The following PTPRD variants were observed in gnomAD, a reference collection of about 807,000 sequenced individuals.
PTPRD encodes the protein receptor-type tyrosine-protein phosphatase delta.
A neutral mutation model predicts 214.5 loss-of-function variants in PTPRD; 34 were observed. The ratio of observed to expected loss-of-function variants is 0.16; its 90% confidence interval spans 0.12 to 0.21. PTPRD has a LOEUF of 0.21. Ranked by LOEUF, PTPRD falls within the 10% of genes least tolerant of loss-of-function variation. PTPRD has a pLI of 1.00. For missense variants in PTPRD, 2,545 were observed against 2,398.7 expected (o/e 1.06, Z -1.27); for synonymous variants, 1,128 against 845.7 (o/e 1.33, Z -5.79).
At chr9:8,361,136 A>T (rs10511493) in intron 39 of PTPRD, among the ~76,000 whole-genome samples, 21,102 of 152,220 alleles carry the variant, frequency 0.14, 2,197 homozygotes, top group East Asian at 0.35. Context: ...CGGATTTGTA[A>T]AACTTAGATT....
At chr9:9,402,510 G>A (rs556765614) in intron 8 of PTPRD, among the ~76,000 whole-genome samples, 100 of 152,196 alleles carry the variant, frequency 6.6e-4, no homozygotes, top group African/African-American at 2.3e-3. Flanking sequence ...ATTCTCAACA[G>A]AGGACACTTA....
At chr9:9,933,196 CATA>C (rs1213947044) in intron 5 of PTPRD, among the ~76,000 whole-genome samples, 4 of 152,212 alleles carry the variant, frequency 2.6e-5, no homozygotes, top group Non-Finnish European at 5.9e-5. Context: ...CAGCTAACAT[CATA>C]ATGACAGGAT....
chr9:10,151,465 G>A (rs1017161485), intron 3 of PTPRD, among the ~76,000 whole-genome samples: 7 of 151,742 alleles, frequency 4.6e-5, no homozygotes, highest in Non-Finnish European at 7.4e-5. Flanking sequence ...GTTTTACCAT[G>A]TTGACCAGGC....
intron 10 of PTPRD, among the ~76,000 whole-genome samples, chr9:9,136,110 G>A (rs1006720481): frequency 4.6e-5 from 7 of 152,060 alleles, no homozygotes; most frequent in Admixed American, 2.0e-4. Flanking sequence ...TCATAGTATA[G>A]AAAGGTGAAT....
At chr9:9,725,526 G>A (rs564346429) in intron 7 of PTPRD, among the ~76,000 whole-genome samples, 1 of 152,164 alleles carries the variant, frequency 6.6e-6, no homozygotes, top group South Asian at 2.1e-4. Flanking sequence ...AACCACATAA[G>A]CACTTTATCT....
intron 5 of PTPRD, among the ~76,000 whole-genome samples, chr9:9,903,584 G>A (rs892651254): frequency 3.9e-5 from 6 of 152,018 alleles, no homozygotes; most frequent in Non-Finnish European, 2.9e-5. Flanking sequence ...CTGAGAAGCA[G>A]CTCTGTTAAT....
chr9:9,639,932 TTGTTC>T (rs1394326362), intron 7 of PTPRD, among the ~76,000 whole-genome samples: 4 of 152,204 alleles, frequency 2.6e-5, no homozygotes, highest in African/African-American at 9.6e-5. Context: ...AATACAGGCT[TTGTTC>T]TGTAGAGTAT....
intron 11 of PTPRD, among the ~76,000 whole-genome samples, chr9:9,000,997 C>T (rs761900830): frequency 1.3e-5 from 2 of 151,902 alleles, no homozygotes; most frequent in African/African-American, 2.4e-5. Flanking sequence ...AATGACCCAT[C>T]CATCGAACAG....
At chr9:8,720,225 A>G (rs1275365696) in intron 12 of PTPRD, among the ~76,000 whole-genome samples, 1 of 152,038 alleles carries the variant, frequency 6.6e-6, no homozygotes. Flanking sequence ...CAGCTGCAAC[A>G]GGTGTGGGCT....
chr9:9,852,409 A>C (rs750918522), intron 5 of PTPRD, among the ~76,000 whole-genome samples: 4 of 152,148 alleles, frequency 2.6e-5, no homozygotes, highest in Non-Finnish European at 5.9e-5. Flanking sequence ...GATAAATGCT[A>C]GTAGCAGACA....
chr9:10,466,648 A>T (rs916849645), intron 2 of PTPRD, among the ~76,000 whole-genome samples: 1 of 143,382 alleles, frequency 7.0e-6, no homozygotes, highest in African/African-American at 2.6e-5. Flanking sequence ...AAAAAAAAAA[A>T]AAAGAAAAGA....
intron 37 of PTPRD, 116 bp downstream of exon 37, chr9:8,389,116 A>G (rs2088458429): frequency 3.7e-6 from 3 of 803,110 alleles, no homozygotes; most frequent in Non-Finnish European, 3.7e-6. Context: ...CATAATTAGT[A>G]TCTGTTAGAA....
At chr9:8,970,167 T>C (rs1317380294) in intron 11 of PTPRD, among the ~76,000 whole-genome samples, 1 of 151,926 alleles carries the variant, frequency 6.6e-6, no homozygotes, top group Non-Finnish European at 1.5e-5. Context: ...ACAATATATA[T>C]TAGGCAAATT....
chr9:8,948,291 T>C lies in PTPRD; in HGVS notation c.-104+70406A>G, dbSNP rs543594605. Among the ~76,000 whole-genome samples the C allele has an allele frequency of 1.6e-4, 24 of 147,484 alleles. No homozygotes were observed. In the South Asian group the frequency reaches 5.1e-3, roughly 32 times the overall value. ...CCTCAGCCTCCCAAAGTGCTGGGAT[T>C]ACCGGCGTGAGCCACCGCTCCCAGC... On this transcript the variant is annotated intron_variant, in intron 11 of 45. Coordinates refer to ENST00000381196, the MANE Select transcript of PTPRD (RefSeq NM_002839.4).
chr9:9,816,610 C>T (rs1420080035), intron 5 of PTPRD, among the ~76,000 whole-genome samples: 1 of 151,700 alleles, frequency 6.6e-6, no homozygotes, highest in Non-Finnish European at 1.5e-5. Flanking sequence ...AATATTTTCC[C>T]CTCAAATGCC....
rs375864120 is a variant in PTPRD, at chr9:10,281,572, TAAACAA to T, written c.-545+59385_-545+59390del. On this transcript the variant is annotated intron_variant, in intron 3 of 45. Coordinates refer to ENST00000381196, the MANE Select transcript of PTPRD (RefSeq NM_002839.4). ...ATTTTAATTTTTTTACTTTGCTACT[TAAACAA>T]AAAGTTGGATGTAATCCCAATTGAA... 2.3e-3 allele frequency among the ~76,000 whole-genome samples: 354 copies of T among 152,288 alleles called. 1 individual carries two copies. The highest frequency in any genetic ancestry group is 8.3e-3 in the African/African-American group (345 of 41,564).
chr9:10,065,196 G>T (rs1371254650), intron 3 of PTPRD, among the ~76,000 whole-genome samples: 1 of 21,274 alleles, frequency 4.7e-5, no homozygotes, highest in Non-Finnish European at 1.0e-4. Flanking sequence ...AGAAAGAAAA[G>T]GATGCTTTGC....
At chr9:10,051,997 TAC>T (rs1259383318) in intron 3 of PTPRD, among the ~76,000 whole-genome samples, 3 of 152,104 alleles carry the variant, frequency 2.0e-5, no homozygotes, top group African/African-American at 7.2e-5. Flanking sequence ...CAGGCTGGAG[TAC>T]AGTGTTGTGA....
At chr9:9,342,752 G>A (rs1468765185) in intron 9 of PTPRD, among the ~76,000 whole-genome samples, 2 of 151,328 alleles carry the variant, frequency 1.3e-5, no homozygotes, top group African/African-American at 2.4e-5. Context: ...GGATACATGT[G>A]CAGAACATGC....
Sources: gnomAD v4.1 joint callset for allele counts (sites outside exome capture counted in the v4.1 genomes callset) on GRCh38, gnomAD v4.1.1 for gene constraint, MANE v1.5 for transcripts, NCBI Gene and HGNC (gene_info 2026-07-23, HGNC 2026-07-21) for gene names.